Variants in SMARCA5 observed in about 807,000 individuals in gnomAD.
SMARCA5 encodes SNF2 related chromatin remodeling ATPase 5, also known as SWI/SNF-related matrix-associated actin-dependent regulator of chromatin subfamily A member 5.
A neutral mutation model predicts 140.4 loss-of-function variants in SMARCA5; 18 were observed. The ratio of observed to expected loss-of-function variants is 0.13; its 90% CI spans 0.09 to 0.19. The LOEUF (loss-of-function observed/expected upper bound fraction) is 0.19. Ranked by LOEUF, SMARCA5 falls within the 10% of genes least tolerant of loss-of-function variation. SMARCA5 has a pLI of 1.00. For missense variants in SMARCA5, 606 were observed against 1,276.8 expected, an observed-to-expected ratio of 0.47 and a Z score of 8.01; for synonymous variants, 449 against 419.6, an observed-to-expected ratio of 1.07 and a Z score of -0.86.
At chr4:143,538,382 G>A (rs986004781) in intron 11 of SMARCA5, among the ~76,000 whole-genome samples, 3 of 152,164 alleles carry the variant, frequency 2.0e-5, no homozygotes, top group African/African-American at 7.2e-5. Flanking sequence ...ATGCTTTTCT[G>A]TACAAATGTT....
At chr4:143,518,298 A>G (rs1234843562) in intron 2 of SMARCA5, among the ~76,000 whole-genome samples, 1 of 152,182 alleles carries the variant, frequency 6.6e-6, no homozygotes, top group Non-Finnish European at 1.5e-5. Flanking sequence ...AGTTTTAGTA[A>G]TAGTAGTAGT....
At chr4:143,549,894 A>T in intron 22 of SMARCA5, 103 bp from the exon 23 acceptor site, 2 of 598,354 alleles carry the variant, frequency 3.3e-6, no homozygotes, top group Non-Finnish European at 6.0e-6. Context: ...GGGGTGTATT[A>T]GTGGTTTTAT....
intron 9 of SMARCA5, among the ~76,000 whole-genome samples, chr4:143,530,971 A>T (rs918797724): frequency 6.6e-6 from 1 of 152,148 alleles, no homozygotes; most frequent in Non-Finnish European, 1.5e-5. Flanking sequence ...TCTGGCCACC[A>T]TGCCCAGCTA....
At chr4:143,540,310 G>T in intron 13 of SMARCA5, 53 bp from the exon 14 acceptor site, 2 of 1,453,128 alleles carry the variant, frequency 1.4e-6, no homozygotes, top group Non-Finnish European at 1.9e-6. Flanking sequence ...CCATTTCAGT[G>T]TTATTTATGT....
At chr4:143,514,940 A>G (rs1001940757) in intron 1 of SMARCA5, among the ~76,000 whole-genome samples, 17 of 152,138 alleles carry the variant, frequency 1.1e-4, no homozygotes, top group African/African-American at 4.1e-4. Flanking sequence ...TGCTGACAGT[A>G]CTGAGGGGGC....
intron 23 of SMARCA5, among the ~76,000 whole-genome samples, chr4:143,550,882 G>A (rs991215300): frequency 1.3e-5 from 2 of 152,064 alleles, no homozygotes; most frequent in Non-Finnish European, 2.9e-5. Context: ...TAGTGCTGCA[G>A]TAAACATGGG....
At chr4:143,549,655 TAA>T (rs1004601437) in intron 22 of SMARCA5, among the ~76,000 whole-genome samples, 5 of 152,152 alleles carry the variant, frequency 3.3e-5, no homozygotes, top group Admixed American at 2.6e-4. Context: ...TTAATCTTTT[TAA>T]GTTTTGGATA....
intron 6 of SMARCA5, among the ~76,000 whole-genome samples, chr4:143,527,299 C>T (rs1404202527): frequency 2.0e-5 from 3 of 152,048 alleles, no homozygotes; most frequent in African/African-American, 4.8e-5. Context: ...TCTTCATTTA[C>T]CTGTGAGTGA....
At chr4:143,553,080 A>G in intron 23 of SMARCA5, 39 bp from the exon 24 acceptor site, 1 of 1,463,708 alleles carries the variant, frequency 6.8e-7, no homozygotes. Context: ...TCATGTTTAT[A>G]TTAGTCTTGT....
At chr4:143,514,168 C>T in intron 1 of SMARCA5, 67 bp downstream of exon 1, 1 of 1,385,592 alleles carries the variant, frequency 7.2e-7, no homozygotes, top group Non-Finnish European at 9.5e-7. Flanking sequence ...CTCGCCGGAT[C>T]GTGGCGATCG....
intron 3 of SMARCA5, among the ~76,000 whole-genome samples, chr4:143,523,934 T>C (rs1737017062): frequency 6.6e-6 from 1 of 152,226 alleles, no homozygotes. Flanking sequence ...ATTTTTTTGA[T>C]GAATCCGTGG....
intron 5 of SMARCA5, 84 bp from the exon 6 acceptor site, chr4:143,526,197 G>T: frequency 9.1e-7 from 1 of 1,100,068 alleles, no homozygotes; most frequent in South Asian, 1.3e-5. Context: ...CATTTCTTTT[G>T]AACATTTCTA....
At chr4:143,518,013 A>G (rs962668478) in intron 2 of SMARCA5, among the ~76,000 whole-genome samples, 5 of 152,186 alleles carry the variant, frequency 3.3e-5, no homozygotes, top group African/African-American at 7.2e-5. Context: ...ACACCTTTAA[A>G]AATTTAACCT....
Position 143,513,774 on chromosome 4 carries a change from C to G in SMARCA5, c.-151C>G, listed in dbSNP as rs1372984353. 1.2e-6 allele frequency: 1 copy of G among 853,760 alleles called. No individual in the cohort carries two copies. Among genetic ancestry groups the G allele is most frequent in the Non-Finnish European group, 1.8e-6 (1 of 562,866 alleles). 52.9% of individuals were successfully genotyped at this position (853,760 alleles called of 1,614,324 possible). ...TGCAGCTCCTGGGCCCGGCTCAGGC[C>G]CGTCGCGGAGGCGCGGCGCAGGGGA... On this transcript the variant is annotated 5_prime_UTR_variant, in exon 1 of 24. Transcript: ENST00000283131.
chr4:143,539,300 G>A (rs1737381736), intron 13 of SMARCA5, among the ~76,000 whole-genome samples: 1 of 152,188 alleles, frequency 6.6e-6, no homozygotes, highest in South Asian at 2.1e-4. Flanking sequence ...TAGCATAACT[G>A]ACTGCAAGGG....
At chr4:143,537,661 C>T (rs991859846) in intron 11 of SMARCA5, among the ~76,000 whole-genome samples, 1 of 151,894 alleles carries the variant, frequency 6.6e-6, no homozygotes, top group African/African-American at 2.4e-5. Flanking sequence ...GTCTCATGTC[C>T]CAGCACTTTT....
chr4:143,542,654 T>G (rs1737451739), intron 14 of SMARCA5, among the ~76,000 whole-genome samples: 1 of 152,176 alleles, frequency 6.6e-6, no homozygotes, highest in African/African-American at 2.4e-5. Context: ...AATCAAAGCT[T>G]TGTTTAGGTG....
intron 20 of SMARCA5, 142 bp from the exon 21 acceptor site, chr4:143,547,243 A>C (rs570398509): frequency 1.7e-6 from 1 of 577,510 alleles, no homozygotes; most frequent in South Asian, 2.4e-5. Context: ...TTAGGTTAAC[A>C]TGTGAGGGTA....
intron 1 of SMARCA5, among the ~76,000 whole-genome samples, chr4:143,514,888 C>T (rs1483643664): frequency 6.6e-6 from 1 of 152,050 alleles, no homozygotes; most frequent in African/African-American, 2.4e-5. Flanking sequence ...AAAATTAGTA[C>T]CACTCGCTGC....
Sources: gnomAD v4.1 joint callset for allele counts (sites outside exome capture counted in the v4.1 genomes callset) on GRCh38, gnomAD v4.1.1 for gene constraint, MANE v1.5 for transcripts, NCBI Gene and HGNC (gene_info 2026-07-23, HGNC 2026-07-21) for gene names.